FYN: variants seen among roughly 807,000 people sequenced by gnomAD.
The protein encoded by FYN is FYN proto-oncogene, Src family tyrosine kinase, also known as tyrosine-protein kinase Fyn.
A neutral mutation model predicts 70.2 loss-of-function variants in FYN; 10 were observed. That is an observed-to-expected ratio of 0.14 (90% confidence interval 0.09 to 0.24). The LOEUF is 0.24. Ranked by LOEUF, FYN falls within the 10% of genes least tolerant of loss-of-function variation. The pLI is 1.00. For missense variants in FYN, 319 were observed against 673.1 expected (o/e 0.47, Z 5.82); for synonymous variants, 236 against 248.6 (o/e 0.95, Z 0.48).
intron 4 of FYN, among the ~76,000 whole-genome samples, chr6:111,718,258 T>C (rs1335226601): frequency 2.0e-5 from 3 of 152,232 alleles, no homozygotes; most frequent in Non-Finnish European, 4.4e-5. Context: ...ACAGACGTTG[T>C]TCTTGGCCTT....
At chr6:111,699,235 C>T (rs1799719646) in intron 9 of FYN, among the ~76,000 whole-genome samples, 1 of 152,176 alleles carries the variant, frequency 6.6e-6, no homozygotes, top group Non-Finnish European at 1.5e-5. Flanking sequence ...TATGGCTGCC[C>T]ATATACAGTA....
At chr6:111,676,297 A>T (rs1256892569) in intron 12 of FYN, 2 of 152,226 alleles carry the variant, frequency 1.3e-5, no homozygotes, top group African/African-American at 4.8e-5. Flanking sequence ...CTACTATTTC[A>T]TTATGAGGCA....
In FYN at chr6:111,742,892, C is replaced by T. The variant is rs1277580591; in HGVS notation, c.-11-22830G>A. ...AACCAATGAGTTACAATTTGTCCTA[C>T]GTTTTGGTCACACACGACCACAAGT... On this transcript the variant is annotated intron_variant, in intron 3 of 13. Transcript: ENST00000354650. Among the ~76,000 whole-genome samples, 3 of 152,100 alleles carry T rather than the reference C, an allele frequency of 2.0e-5. 1 individual carries two copies.
intron 3 of FYN, among the ~76,000 whole-genome samples, chr6:111,766,914 A>G (rs1469638558): frequency 6.6e-6 from 1 of 152,220 alleles, no homozygotes; most frequent in African/African-American, 2.4e-5. Flanking sequence ...AACACAGTCA[A>G]AGGGTCAAGT....
intron 12 of FYN, among the ~76,000 whole-genome samples, chr6:111,688,909 G>T (rs530541756): frequency 1.3e-5 from 2 of 152,282 alleles, no homozygotes; most frequent in African/African-American, 4.8e-5. Context: ...AGTGGTGACT[G>T]CCCAGATCCA....
intron 8 of FYN, 127 bp downstream of exon 8, chr6:111,702,758 G>T: frequency 1.1e-6 from 1 of 878,856 alleles, no homozygotes; most frequent in Non-Finnish European, 1.7e-6. Flanking sequence ...TTAAGGGCTG[G>T]CAAAGAAAAC....
At chr6:111,855,054 A>T (rs1374584619) in intron 1 of FYN, among the ~76,000 whole-genome samples, 1 of 152,216 alleles carries the variant, frequency 6.6e-6, no homozygotes, top group Non-Finnish European at 1.5e-5. Context: ...TTTTTTGTGC[A>T]TATATGAAAA....
At chr6:111,750,360 C>T (rs1359561568) in intron 3 of FYN, among the ~76,000 whole-genome samples, 1 of 152,140 alleles carries the variant, frequency 6.6e-6, no homozygotes, top group Non-Finnish European at 1.5e-5. Flanking sequence ...CTCTCCTGCT[C>T]CCACCATGTG....
chr6:111,736,671 CA>C (rs1209273739), intron 3 of FYN, among the ~76,000 whole-genome samples: 1 of 152,180 alleles, frequency 6.6e-6, no homozygotes, highest in Non-Finnish European at 1.5e-5. Context: ...GCTGACTCGA[CA>C]TGCTGATTTC....
At chr6:111,721,937 G>C (rs1490540826) in intron 3 of FYN, among the ~76,000 whole-genome samples, 1 of 152,134 alleles carries the variant, frequency 6.6e-6, no homozygotes, top group Admixed American at 6.5e-5. Flanking sequence ...ATGCCATCAT[G>C]TGTAATAACA....
intron 2 of FYN, among the ~76,000 whole-genome samples, chr6:111,806,655 T>C (rs1772159663): frequency 6.6e-6 from 1 of 152,224 alleles, no homozygotes; most frequent in African/African-American, 2.4e-5. Context: ...CGGCCCACTA[T>C]TGAAGGTGAG....
intron 2 of FYN, among the ~76,000 whole-genome samples, chr6:111,820,611 G>A (rs1453349412): frequency 6.6e-6 from 1 of 152,044 alleles, no homozygotes; most frequent in African/African-American, 2.4e-5. Flanking sequence ...AAATTAGGAT[G>A]ATCTAACTGA....
intron 9 of FYN, chr6:111,696,689 A>T (rs115134999): frequency 1.8e-5 from 7 of 380,826 alleles, no homozygotes; most frequent in South Asian, 4.8e-5. Flanking sequence ...ACTCATTAAA[A>T]TTTTTTTAAA....
chr6:111,747,765 C>A (rs1802295415), intron 3 of FYN, among the ~76,000 whole-genome samples: 1 of 152,226 alleles, frequency 6.6e-6, no homozygotes, highest in Admixed American at 6.5e-5. Flanking sequence ...GGCAGGCTTC[C>A]TTTCCATTTT....
intron 3 of FYN, among the ~76,000 whole-genome samples, chr6:111,764,908 T>C (rs1433929924): frequency 6.6e-6 from 1 of 152,088 alleles, no homozygotes; most frequent in Non-Finnish European, 1.5e-5. Flanking sequence ...TGTTCCCCTT[T>C]GCTGGCAGCT....
intron 3 of FYN, among the ~76,000 whole-genome samples, chr6:111,730,217 T>C (rs556825914): frequency 3.9e-5 from 6 of 152,074 alleles, no homozygotes; most frequent in Non-Finnish European, 8.8e-5. Flanking sequence ...TGCACAGCAA[T>C]GAACAGCCAT....
intron 9 of FYN, among the ~76,000 whole-genome samples, chr6:111,698,838 A>C (rs1799696385): frequency 1.3e-5 from 2 of 152,078 alleles, no homozygotes; most frequent in Non-Finnish European, 2.9e-5. Flanking sequence ...TAATCCCAGC[A>C]CTTTGGGAGG....
chr6:111,839,527 C>T (rs1773291031), intron 2 of FYN, among the ~76,000 whole-genome samples: 1 of 151,888 alleles, frequency 6.6e-6, no homozygotes, highest in South Asian at 2.1e-4. Flanking sequence ...AAATGTGCAC[C>T]TAAGGAGACC....
In FYN at chr6:111,661,006, C is replaced by A. The variant is rs758898704; in HGVS notation, c.*733G>T. The stretch of plus-strand genomic sequence containing the variant: ...TTCCTGAAAAGAGTCAAAGTAACAA[C>A]CACCTACAGGTACAGTCATGAACCA... On this transcript the variant is annotated 3_prime_UTR_variant, in exon 14 of 14. Transcript: ENST00000354650. This position sits in a 1 kb window ranked among gnomAD's most constrained non-coding sequence, Gnocchi z 4.0. 1 of 152,104 alleles carries A rather than the reference C, an allele frequency of 6.6e-6. No individual in the cohort carries two copies. The highest frequency in any genetic ancestry group is 1.5e-5 in the Non-Finnish European group (1 of 68,022). The allele number at this position is 152,104 out of a possible 1,614,324, so 9.4% of individuals were successfully genotyped here.
Sources: allele counts gnomAD v4.1 joint callset (sites outside exome capture counted in the v4.1 genomes callset), GRCh38; gene constraint gnomAD v4.1.1; non-coding constraint Gnocchi (gnomAD v3.1); transcripts MANE v1.5; gene names NCBI Gene and HGNC (gene_info 2026-07-23, HGNC 2026-07-21).